Variants in SNTG1 observed in about 807,000 individuals in gnomAD.
SNTG1 encodes syntrophin gamma 1, also known as gamma-1-syntrophin.
SNTG1 carries 39 observed loss-of-function variants against 74.7 expected under a neutral mutation model. The ratio of observed to expected loss-of-function variants is 0.52; its 90% CI spans 0.40 to 0.68. The LOEUF (loss-of-function observed/expected upper bound fraction) is 0.68, where lower values mean the gene tolerates loss of function less well. SNTG1 is among the 30% of genes least tolerant of loss of function. SNTG1 has a pLI of 0.00. For synonymous variants in SNTG1, 254 were observed against 217.1 expected, an observed-to-expected ratio of 1.17 and a Z score of -1.49; for missense variants, 685 against 609.5, an observed-to-expected ratio of 1.12 and a Z score of -1.30.
intron 2 of SNTG1, among the ~76,000 whole-genome samples, chr8:50,325,062 G>A (rs1444501284): frequency 4.8e-5 from 2 of 41,406 alleles, no homozygotes; most frequent in East Asian, 0.042. Flanking sequence ...CCCAGAAATA[G>A]ACCCACCAAA....
At chr8:50,218,889 C>T (rs898141447) in intron 2 of SNTG1, among the ~76,000 whole-genome samples, 17 of 152,170 alleles carry the variant, frequency 1.1e-4, no homozygotes, top group African/African-American at 4.1e-4. Context: ...GCACTGAAGC[C>T]ACAGAGCCAA....
intron 1 of SNTG1, among the ~76,000 whole-genome samples, chr8:49,926,206 A>G (rs1807012183): frequency 6.6e-6 from 1 of 152,158 alleles, no homozygotes; most frequent in Non-Finnish European, 1.5e-5. Flanking sequence ...TTTTCTAAGA[A>G]GAGGTTCTAG....
intron 18 of SNTG1, among the ~76,000 whole-genome samples, chr8:50,776,680 C>T (rs551053981): frequency 6.6e-6 from 1 of 151,538 alleles, no homozygotes; most frequent in African/African-American, 2.4e-5. Context: ...ACTTTTCTTA[C>T]CATATTCTTT....
intron 1 of SNTG1, among the ~76,000 whole-genome samples, chr8:49,930,565 A>G (rs1807485059): frequency 1.3e-5 from 2 of 151,908 alleles, no homozygotes; most frequent in South Asian, 2.1e-4. Flanking sequence ...GTGTGTGTAT[A>G]TATATATATA....
Position 50,315,232 on chromosome 8 carries a change from G to A in SNTG1, c.-27-78980G>A, listed in dbSNP as rs553615727. On this transcript the variant is annotated intron_variant, in intron 2 of 18. Transcript: ENST00000642720. ...CAGTTTGTTATGTCTATGGTGCAGC[G>A]TTCAATGCAATTCAATTTTATTTCC... Among the ~76,000 whole-genome samples the A allele has an allele frequency of 9.4e-5, 14 of 149,590 alleles. 1 individual carries two copies. The highest frequency in any genetic ancestry group is 1.2e-4 in the Non-Finnish European group (8 of 67,888).
At chr8:50,453,622 A>G (rs1055678447) in intron 8 of SNTG1, among the ~76,000 whole-genome samples, 1 of 152,244 alleles carries the variant, frequency 6.6e-6, no homozygotes, top group African/African-American at 2.4e-5. Context: ...ATTCATAAAA[A>G]TGAACCATTA....
intron 8 of SNTG1, chr8:50,457,952 GGTGAGAGGATTCTTTTTTA>G: frequency 6.6e-6 from 1 of 152,216 alleles, no homozygotes; most frequent in Non-Finnish European, 1.5e-5. Context: ...TCAGAGAAGA[GGTGAGAGGATTCTTTTTTA>G]GTGAAATTGA....
chr8:50,560,812 G>A (rs569828825), intron 12 of SNTG1, among the ~76,000 whole-genome samples: 2 of 152,134 alleles, frequency 1.3e-5, no homozygotes, highest in East Asian at 3.9e-4. Flanking sequence ...AACCACCATG[G>A]CACATGTTTA....
At chr8:50,349,446 A>G (rs1274224851) in intron 2 of SNTG1, among the ~76,000 whole-genome samples, 1 of 152,026 alleles carries the variant, frequency 6.6e-6, no homozygotes, top group Non-Finnish European at 1.5e-5. Context: ...GGTATACATG[A>G]TCTATATATT....
upstream of SNTG1, among the ~76,000 whole-genome samples, chr8:49,910,689 G>A (rs1326946767): frequency 2.6e-5 from 4 of 152,158 alleles, no homozygotes; most frequent in Admixed American, 6.5e-5. Flanking sequence ...AGGCCCGGGA[G>A]AGCGCGGATT....
In SNTG1 at chr8:50,149,312, T is replaced by C. The variant is rs139967546; in HGVS notation, c.-102-23249T>C. 2.9e-3 allele frequency among the ~76,000 whole-genome samples: 441 copies of C among 152,364 alleles called. 1 individual carries two copies. Among genetic ancestry groups the C allele is most frequent in the Middle Eastern group, 6.8e-3 (2 of 294 alleles). On this transcript the variant is annotated intron_variant, in intron 1 of 18. Coordinates refer to ENST00000642720, the MANE Select transcript of SNTG1 (RefSeq NM_018967.5). ...ATTAGCACTTTGCAAGATGAGTAGA[T>C]TGCAAAAATTTTCTCCCATTCTGTA...
At chr8:49,936,601 C>G (rs1266267694) in intron 1 of SNTG1, among the ~76,000 whole-genome samples, 1 of 152,138 alleles carries the variant, frequency 6.6e-6, no homozygotes, top group Non-Finnish European at 1.5e-5. Context: ...GCTCTGTTTT[C>G]TGCAATTTGA....
chr8:50,454,365 C>T (rs1354039461), intron 8 of SNTG1, among the ~76,000 whole-genome samples: 1 of 151,930 alleles, frequency 6.6e-6, no homozygotes, highest in African/African-American at 2.4e-5. Context: ...GGTGTGGTGG[C>T]ATGCACCTGT....
chr8:50,473,629 G>A (rs1472155496), intron 8 of SNTG1, among the ~76,000 whole-genome samples: 1 of 152,138 alleles, frequency 6.6e-6, no homozygotes, highest in Admixed American at 6.5e-5. Context: ...GTTCATGGAA[G>A]CATTTTTCAC....
At chr8:50,184,119 CATTT>C (rs2083301638) in intron 2 of SNTG1, among the ~76,000 whole-genome samples, 1 of 152,114 alleles carries the variant, frequency 6.6e-6, no homozygotes, top group African/African-American at 2.4e-5. Flanking sequence ...CTCTCTGCTT[CATTT>C]GTCTATTTCC....
intron 15 of SNTG1, among the ~76,000 whole-genome samples, chr8:50,685,766 C>T (rs1585524683): frequency 6.6e-6 from 1 of 152,186 alleles, no homozygotes; most frequent in East Asian, 1.9e-4. Flanking sequence ...CACACACATA[C>T]AGCACATGAT....
intron 10 of SNTG1, 51 bp downstream of exon 10, chr8:50,530,310 T>C (rs773249665): frequency 6.6e-7 from 1 of 1,521,276 alleles, no homozygotes; most frequent in Non-Finnish European, 9.1e-7. Context: ...ACACATAGCT[T>C]ATAAAAACTG....
chr8:50,626,082 G>C (rs944857115), intron 13 of SNTG1, among the ~76,000 whole-genome samples: 2 of 152,122 alleles, frequency 1.3e-5, no homozygotes, highest in African/African-American at 2.4e-5. Context: ...TGGTCTGCCA[G>C]CATATGCTTT....
At chr8:50,237,370 C>T (rs1482910490) in intron 2 of SNTG1, among the ~76,000 whole-genome samples, 27 of 152,170 alleles carry the variant, frequency 1.8e-4, no homozygotes, top group Non-Finnish European at 1.5e-5. Context: ...TCATGTACAT[C>T]TATCAGATGC....
Sources: allele counts gnomAD v4.1 joint callset (sites outside exome capture counted in the v4.1 genomes callset), GRCh38; gene constraint gnomAD v4.1.1; transcripts MANE v1.5; gene names NCBI Gene and HGNC (gene_info 2026-07-23, HGNC 2026-07-21).